PPM1D: variants seen among roughly 807,000 people sequenced by gnomAD.
PPM1D encodes protein phosphatase, Mg2+/Mn2+ dependent 1D.
In PPM1D, 52 loss-of-function variants were observed where a neutral mutation model predicts 58.3. The observed-to-expected ratio is 0.89, with a 90% CI of 0.71 to 1.12. PPM1D has a LOEUF of 1.12. Ranked by LOEUF, PPM1D falls within the 50% of genes most tolerant of loss-of-function variation. The pLI is 0.00. For synonymous variants in PPM1D, 278 were observed against 285.1 expected (o/e 0.98, Z 0.25); for missense variants, 564 against 777.2 (o/e 0.73, Z 3.26).
intron 3 of PPM1D, among the ~76,000 whole-genome samples, chr17:60,642,737 G>A (rs1440210027): frequency 6.6e-5 from 10 of 152,154 alleles, no homozygotes; most frequent in Admixed American, 4.6e-4. Flanking sequence ...GATTACAGGC[G>A]TGAGCCACTG....
chr17:60,626,931 A>G (rs998467441), intron 2 of PPM1D, among the ~76,000 whole-genome samples: 1 of 152,034 alleles, frequency 6.6e-6, no homozygotes, highest in African/African-American at 2.4e-5. Context: ...TTTTCTCTGT[A>G]TTTCTTTTAA....
At chr17:60,617,709 C>T (rs2030613610) in intron 1 of PPM1D, among the ~76,000 whole-genome samples, 1 of 152,050 alleles carries the variant, frequency 6.6e-6, no homozygotes, top group Non-Finnish European at 1.5e-5. Flanking sequence ...ATGAAGCTGT[C>T]CTTGCTGTGA....
chr17:60,600,208 C>A lies in PPM1D; in HGVS notation c.-207C>A. ...GGGGAAGCGCAGTGCGCAGGCGCAA[C>A]TGCCTGGCTCTGCTCGCTCCGGCGC... On this transcript the variant is annotated 5_prime_UTR_variant, in exon 1 of 6. It adds an upstream start codon to the 5' untranslated region. Coordinates refer to ENST00000305921, the MANE Select transcript of PPM1D (RefSeq NM_003620.4). 3.0e-6 allele frequency: 3 copies of A among 1,002,088 alleles called. No homozygotes were observed. The highest frequency in any genetic ancestry group is 2.8e-6 in the Non-Finnish European group (2 of 716,414). 62.1% of individuals were successfully genotyped at this position (1,002,088 alleles called of 1,614,324 possible). A position where few individuals can be genotyped will look rare whatever the true frequency, so the allele number is the denominator to read the frequency against.
intron 3 of PPM1D, among the ~76,000 whole-genome samples, chr17:60,640,336 T>C (rs1306335355): frequency 1.3e-5 from 2 of 152,212 alleles, no homozygotes; most frequent in East Asian, 3.9e-4. Context: ...GTCTTTATCT[T>C]AAAAACAATT....
intron 2 of PPM1D, among the ~76,000 whole-genome samples, chr17:60,629,429 C>T (rs989696833): frequency 2.8e-4 from 42 of 152,158 alleles, no homozygotes; most frequent in Non-Finnish European, 1.0e-4. Flanking sequence ...AAGACAATAT[C>T]CTTGAAGCTG....
In PPM1D at chr17:60,623,531, A is replaced by G. The variant is rs1295405830; in HGVS notation, c.483A>G (p.Pro161=). Residue 161 remains proline (P), a synonymous_variant, in exon 2 of 6, where the codon CCA becomes CCG. Coordinates refer to ENST00000305921, the MANE Select transcript of PPM1D (RefSeq NM_003620.4). ...LAMWKKLAEW[P]KTMTGLPSTS... ...TATTTCTTATTACAGCGGAATGGCC[A>G]AAGACTATGACGGGTCTTCCTAGCA... 3 of 1,610,432 alleles carry G rather than the reference A, an allele frequency of 1.9e-6. No homozygotes were observed. The highest frequency in any genetic ancestry group is 4.5e-5 in the East Asian group (2 of 44,762).
chr17:60,619,221 T>A (rs931581087), intron 1 of PPM1D, among the ~76,000 whole-genome samples: 1 of 152,192 alleles, frequency 6.6e-6, no homozygotes, highest in Non-Finnish European at 1.5e-5. Flanking sequence ...ATTTCCTTTT[T>A]TTTTTTTTAT....
chr17:60,644,791 A>G (rs894174483), intron 3 of PPM1D, among the ~76,000 whole-genome samples: 1 of 152,258 alleles, frequency 6.6e-6, no homozygotes, highest in Non-Finnish European at 1.5e-5. Context: ...TACACAGTCT[A>G]TCATATTTTT....
chr17:60,638,632 G>T (rs2143684476), intron 3 of PPM1D, among the ~76,000 whole-genome samples: 1 of 152,266 alleles, frequency 6.6e-6, no homozygotes, highest in Middle Eastern at 3.4e-3. Flanking sequence ...GCTTCCCAAA[G>T]TGCTGGGATT....
At position 60,647,877 on chromosome 17, in the gene PPM1D, G is replaced by C. The variant is rs1030785192; in HGVS notation, c.827-15G>C. On this transcript the variant is annotated splice_polypyrimidine_tract_variant and intron_variant, in intron 3 of 5. Coordinates refer to ENST00000305921, the MANE Select transcript of PPM1D (RefSeq NM_003620.4). ...CCAACTAATACTTCTTGCTTTTTCT[G>C]CTCCCTTCCCCCAGGTGATTTGTGG... 4 of 1,597,578 alleles carry C rather than the reference G, an allele frequency of 2.5e-6. No individual in the cohort carries two copies. Among genetic ancestry groups the C allele is most frequent in the Non-Finnish European group, 3.4e-6 (4 of 1,168,074 alleles).
intron 1 of PPM1D, among the ~76,000 whole-genome samples, chr17:60,602,204 C>T (rs1044673764): frequency 1.3e-5 from 2 of 152,166 alleles, no homozygotes; most frequent in South Asian, 2.1e-4. Context: ...GTGTAGGCAC[C>T]GTAGAGCTGA....
chr17:60,621,352 A>G (rs1206746485), intron 1 of PPM1D, among the ~76,000 whole-genome samples: 2 of 152,028 alleles, frequency 1.3e-5, no homozygotes, highest in Non-Finnish European at 2.9e-5. Flanking sequence ...TTCCAGTGCC[A>G]TTTATTGAAG....
chr17:60,622,375 C>CT (rs2030725188), intron 1 of PPM1D, among the ~76,000 whole-genome samples: 1 of 152,058 alleles, frequency 6.6e-6, no homozygotes, highest in African/African-American at 2.4e-5. Context: ...GGATTTATTT[C>CT]TAACATTTAC....
intron 3 of PPM1D, 117 bp downstream of exon 3, chr17:60,634,094 A>C: frequency 1.3e-5 from 15 of 1,193,448 alleles, no homozygotes; most frequent in Non-Finnish European, 1.5e-5. Context: ...TAGAGATATC[A>C]TGATATTCTA....
chr17:60,645,648 A>G lies in PPM1D; in HGVS notation c.827-2244A>G, dbSNP rs148362579. 7.5e-3 allele frequency among the ~76,000 whole-genome samples: 972 copies of G among 128,870 alleles called. 25 individuals carry two copies. The highest frequency in any genetic ancestry group is 0.031 in the African/African-American group (875 of 28,546). 84.5% of individuals were successfully genotyped at this position (128,870 alleles called of 152,430 possible). On this transcript the variant is annotated intron_variant, in intron 3 of 5. Coordinates refer to ENST00000305921, the MANE Select transcript of PPM1D (RefSeq NM_003620.4). ...TGTATATGTATATGTGTGTGTGTGT[A>G]TATATATATATACACACACACACAT...
rs1382529393 is a variant in PPM1D at position 60,615,676 on chromosome 17, T to C, written c.473-7845T>C. Among the ~76,000 whole-genome samples the C allele has an allele frequency of 5.0e-5, 6 of 120,328 alleles. No homozygotes were observed. In the South Asian group the frequency reaches 1.5e-3, roughly 29 times the overall value. The allele number at this position is 120,328 out of a possible 152,430, so 78.9% of individuals were successfully genotyped here. On this transcript the variant is annotated intron_variant, in intron 1 of 5. Coordinates refer to ENST00000305921, the MANE Select transcript of PPM1D (RefSeq NM_003620.4). ...GTATGTGGGAGAATTTTCTTTTTAC[T>C]TTTTTTTTTTTTTTTTTGGGTAGAG...
chr17:60,662,971 T>C, intron 5 of PPM1D, 24 bp from the exon 6 acceptor site: 2 of 1,563,280 alleles, frequency 1.3e-6, no homozygotes, highest in Non-Finnish European at 1.7e-6. Flanking sequence ...TTTTTCTTAT[T>C]TGTTTTACCT....
intron 3 of PPM1D, 87 bp from the exon 4 acceptor site, chr17:60,647,805 C>T: frequency 1.6e-6 from 2 of 1,285,660 alleles, no homozygotes; most frequent in Non-Finnish European, 2.2e-6. Flanking sequence ...TTGAGATGAA[C>T]TGTGTAGATT....
intron 1 of PPM1D, among the ~76,000 whole-genome samples, chr17:60,619,983 GTTTGTTTTGT>G (rs374505300): frequency 1.4e-3 from 209 of 149,536 alleles, no homozygotes; most frequent in Middle Eastern, 7.1e-3. Context: ...TTTTGTTTTT[GTTTGTTTTGT>G]TTTGTTTTGT....
Sources: gnomAD v4.1 joint callset for allele counts (sites outside exome capture counted in the v4.1 genomes callset) on GRCh38, gnomAD v4.1.1 for gene constraint, MANE v1.5 for transcripts, NCBI Gene and HGNC (gene_info 2026-07-23, HGNC 2026-07-21) for gene names.